PALLD: variants seen among roughly 807,000 people sequenced by gnomAD.
The protein encoded by PALLD is palladin, cytoskeletal associated protein, also known as palladin.
A neutral mutation model predicts 123.5 loss-of-function variants in PALLD; 61 were observed. That is an observed-to-expected ratio of 0.49 (90% confidence interval 0.40 to 0.61). The LOEUF (loss-of-function observed/expected upper bound fraction) is 0.61, where lower values mean the gene tolerates loss of function less well. PALLD is among the 20% of genes least tolerant of loss of function. The probability of loss-of-function intolerance (pLI) is 0.00; values close to 1 mark genes in which losing one functional copy is unlikely to be tolerated. For synonymous variants in PALLD, 465 were observed against 496.4 expected, an observed-to-expected ratio of 0.94 and a Z score of 0.84; for missense variants, 1,273 against 1,377.0, an observed-to-expected ratio of 0.92 and a Z score of 1.20.
chr4:168,559,815 G>A (rs946839655), intron 2 of PALLD, among the ~76,000 whole-genome samples: 15 of 151,926 alleles, frequency 9.9e-5, no homozygotes, highest in Non-Finnish European at 1.5e-5. Context: ...ACCCAGGGAA[G>A]TTGAGCTTGC....
intron 2 of PALLD, among the ~76,000 whole-genome samples, chr4:168,618,600 G>A (rs1156450000): frequency 1.3e-5 from 2 of 152,158 alleles, no homozygotes; most frequent in Non-Finnish European, 2.9e-5. Flanking sequence ...TGCTTTGAAA[G>A]GCCAGTTATA....
At chr4:168,789,653 G>C (rs536193350) in intron 10 of PALLD, among the ~76,000 whole-genome samples, 2 of 149,118 alleles carry the variant, frequency 1.3e-5, no homozygotes, top group Non-Finnish European at 3.0e-5. Context: ...GCAGTGAGCC[G>C]AGATCGTGCC....
intron 16 of PALLD, among the ~76,000 whole-genome samples, chr4:168,914,600 A>G (rs1759721496): frequency 1.3e-5 from 2 of 151,970 alleles, no homozygotes; most frequent in African/African-American, 4.9e-5. Flanking sequence ...TGATGGAACA[A>G]TGGTAGGCAG....
At position 168,512,027 on chromosome 4, in the gene PALLD, T is replaced by G; in HGVS notation, c.523T>G (p.Leu175Val). 3 of 1,614,138 alleles carry G rather than the reference T, an allele frequency of 1.9e-6. No homozygotes were observed. The highest frequency in any genetic ancestry group is 2.5e-6 in the Non-Finnish European group (3 of 1,180,030). ...CCAGCTGTGTGACAAGGCAGCTAAT[T>G]TAATTGAGGAGCTAACATCCATATT... Reference protein sequence around the residue: ...QSQLCDKAANLIEELTSIFKA... With the variant: ...QSQLCDKAANVIEELTSIFKA... Residue 175 changes from leucine to valine, a missense_variant, in exon 2 of 22, where the codon TTA becomes GTA. This residue lies in a region of PALLD where 944 missense variants were observed against 954.5 expected (regional missense o/e 0.99). Coordinates refer to ENST00000505667, the MANE Select transcript of PALLD (RefSeq NM_001166108.2).
At chr4:168,901,204 C>G (rs1470417637) in intron 14 of PALLD, among the ~76,000 whole-genome samples, 10 of 152,110 alleles carry the variant, frequency 6.6e-5, no homozygotes, top group Non-Finnish European at 1.3e-4. Flanking sequence ...ATATAAATTA[C>G]ATTAGGATTG....
chr4:168,693,019 AGGAG>A (rs1782773097), intron 8 of PALLD, among the ~76,000 whole-genome samples: 1 of 152,242 alleles, frequency 6.6e-6, no homozygotes, highest in Admixed American at 6.5e-5. Context: ...AATTTGGATG[AGGAG>A]GGAGGAAGGA....
chr4:168,777,926 A>C (rs1363410928), intron 10 of PALLD, among the ~76,000 whole-genome samples: 2 of 152,204 alleles, frequency 1.3e-5, no homozygotes, highest in Non-Finnish European at 2.9e-5. Context: ...CAACAGTGTA[A>C]GTAATCTCAG....
chr4:168,503,840 G>A (rs560700710), intron 1 of PALLD, among the ~76,000 whole-genome samples: 2 of 152,224 alleles, frequency 1.3e-5, no homozygotes, highest in East Asian at 1.9e-4. Context: ...AGCTCAGGCT[G>A]TCCACGGGTA....
intron 10 of PALLD, among the ~76,000 whole-genome samples, chr4:168,766,199 A>G (rs953317260): frequency 2.0e-5 from 3 of 152,228 alleles, no homozygotes; most frequent in Admixed American, 6.5e-5. Flanking sequence ...AAGAAACTGG[A>G]AAAGGGTACT....
Position 168,745,434 on chromosome 4 carries a change from G to C in PALLD, c.1964+33511G>C, listed in dbSNP as rs868246515. 4.9e-4 allele frequency among the ~76,000 whole-genome samples: 66 copies of C among 133,414 alleles called. 3 individuals carry two copies. The South Asian group carries it at 0.016, about 32-fold the overall frequency. The allele number at this position is 133,414 out of a possible 152,430, so 87.5% of individuals were successfully genotyped here. ...TAGAGTCTGTGAGATGGGAGGGGGG[G>C]GCAAATAATGATTCATTCTCTTAAA... On this transcript the variant is annotated intron_variant, in intron 10 of 21. Coordinates refer to ENST00000505667, the MANE Select transcript of PALLD (RefSeq NM_001166108.2).
In PALLD at chr4:168,619,821, C is replaced by G. The variant is rs540237777; in HGVS notation, c.909-48369C>G. On this transcript the variant is annotated intron_variant, in intron 2 of 21. Coordinates refer to ENST00000505667, the MANE Select transcript of PALLD (RefSeq NM_001166108.2). ...TAAATTCATGAGTCTGGATCCACCC[C>G]AAACCTAGTCTCCTGAAGGTTTCCT... 5.3e-5 allele frequency among the ~76,000 whole-genome samples: 8 copies of G among 152,284 alleles called. 1 individual carries two copies. The East Asian group carries it at 1.5e-3, about 29-fold the overall frequency.
chr4:168,711,353 A>G (rs929372859), intron 9 of PALLD, among the ~76,000 whole-genome samples: 1 of 152,212 alleles, frequency 6.6e-6, no homozygotes, highest in Non-Finnish European at 1.5e-5. Context: ...GGGTTCCCCA[A>G]ATGTGAGCTC....
chr4:168,691,009 C>T (rs1241186610), intron 7 of PALLD, among the ~76,000 whole-genome samples: 1 of 152,090 alleles, frequency 6.6e-6, no homozygotes, highest in Non-Finnish European at 1.5e-5. Flanking sequence ...GGAGGTTTAC[C>T]AGGCTCCTAG....
intron 10 of PALLD, among the ~76,000 whole-genome samples, chr4:168,860,340 T>A (rs2173811): frequency 6.6e-6 from 1 of 152,170 alleles, no homozygotes; most frequent in African/African-American, 2.4e-5. Flanking sequence ...GACTCCCAGG[T>A]CTGGAGTCGG....
At chr4:168,802,182 A>G (rs1041700541) in intron 10 of PALLD, among the ~76,000 whole-genome samples, 3 of 152,216 alleles carry the variant, frequency 2.0e-5, no homozygotes, top group Non-Finnish European at 2.9e-5. Context: ...ATCATGGCCT[A>G]AATTCTAGAA....
At chr4:168,754,072 AAAAT>A (rs1406826016) in intron 10 of PALLD, among the ~76,000 whole-genome samples, 2 of 152,256 alleles carry the variant, frequency 1.3e-5, no homozygotes, top group Admixed American at 6.5e-5. Flanking sequence ...AGAGCTTTTT[AAAAT>A]AAGAATGTTA....
intron 8 of PALLD, among the ~76,000 whole-genome samples, chr4:168,693,134 T>C (rs1782794421): frequency 6.7e-6 from 1 of 149,942 alleles, no homozygotes; most frequent in Admixed American, 6.6e-5. Context: ...TTACCCTACA[T>C]ACACTCCTTC....
chr4:168,919,522 TAA>T (rs1209353195), intron 17 of PALLD, among the ~76,000 whole-genome samples: 6 of 124,474 alleles, frequency 4.8e-5, no homozygotes, highest in Non-Finnish European at 5.2e-5. Context: ...AAGACTGTCT[TAA>T]AAAAAAAAAA....
At chr4:168,734,353 A>C (rs1212731726) in intron 10 of PALLD, among the ~76,000 whole-genome samples, 1 of 152,114 alleles carries the variant, frequency 6.6e-6, no homozygotes, top group Non-Finnish European at 1.5e-5. Context: ...ACACAAAGCT[A>C]ATCAGTGGCT....
Sources: gnomAD v4.1 joint callset for allele counts (sites outside exome capture counted in the v4.1 genomes callset) on GRCh38, gnomAD v4.1.1 for gene constraint, gnomAD v4.1.1 regional missense constraint, MANE v1.5 for transcripts, NCBI Gene and HGNC (gene_info 2026-07-23, HGNC 2026-07-21) for gene names.